Variants in EIF4G3 observed in about 807,000 individuals in gnomAD.
EIF4G3 encodes the protein eukaryotic translation initiation factor 4 gamma 3, also known as eIF-4-gamma 3.
Under a neutral mutation model 186.4 loss-of-function variants are expected in EIF4G3, and 34 were observed. The ratio of observed to expected loss-of-function variants is 0.18; its 90% CI spans 0.14 to 0.24. The LOEUF (loss-of-function observed/expected upper bound fraction) is 0.24. Among genes scored for constraint, EIF4G3 ranks in the 10% least tolerant of loss-of-function variants. The probability of loss-of-function intolerance (pLI) is 1.00; values close to 1 mark genes in which losing one functional copy is unlikely to be tolerated. For missense variants in EIF4G3, 1,536 were observed against 1,948.5 expected, an observed-to-expected ratio of 0.79 and a Z score of 3.99; for synonymous variants, 673 against 679.5, an observed-to-expected ratio of 0.99 and a Z score of 0.15.
chr1:21,098,553 A>G (rs1177545143), intron 2 of EIF4G3, among the ~76,000 whole-genome samples: 5 of 149,090 alleles, frequency 3.4e-5, no homozygotes, highest in Non-Finnish European at 1.5e-5. Context: ...AAAAAAAAAA[A>G]AAAAAAAAAA....
intron 2 of EIF4G3, among the ~76,000 whole-genome samples, chr1:21,137,687 G>A (rs1414243627): frequency 6.6e-6 from 1 of 151,710 alleles, no homozygotes; most frequent in Non-Finnish European, 1.5e-5. Flanking sequence ...CAGGCATGGT[G>A]GTACACACTT....
chr1:20,838,956 T>TGTGAGCA (rs1364354654), intron 30 of EIF4G3, among the ~76,000 whole-genome samples: 4 of 152,120 alleles, frequency 2.6e-5, no homozygotes, highest in Non-Finnish European at 5.9e-5. Context: ...GCATTACAGG[T>TGTGAGCA]GTGAGCCACC....
chr1:20,892,439 G>A (rs1396180273), intron 18 of EIF4G3, among the ~76,000 whole-genome samples: 4 of 152,168 alleles, frequency 2.6e-5, no homozygotes, highest in African/African-American at 4.8e-5. Context: ...CACTTCCACC[G>A]CTGAAAGAGC....
At chr1:20,844,124 C>T (rs1483689637) in intron 29 of EIF4G3, among the ~76,000 whole-genome samples, 3 of 152,142 alleles carry the variant, frequency 2.0e-5, no homozygotes, top group African/African-American at 4.8e-5. Flanking sequence ...CATACGTGTG[C>T]ATGTGTCTTT....
intron 18 of EIF4G3, chr1:20,892,518 T>G (rs2086430697): frequency 2.2e-6 from 2 of 900,534 alleles, no homozygotes; most frequent in South Asian, 2.8e-5. Flanking sequence ...TGTCATTTGT[T>G]AAAATTTTGA....
chr1:21,168,471 G>A (rs1342890001), intron 2 of EIF4G3, among the ~76,000 whole-genome samples: 1 of 151,938 alleles, frequency 6.6e-6, no homozygotes, highest in African/African-American at 2.4e-5. Flanking sequence ...CACCCAGGCT[G>A]GTGTGCAATC....
intron 23 of EIF4G3, 115 bp downstream of exon 23, chr1:20,862,113 T>C (rs964789842): frequency 1.5e-5 from 9 of 597,014 alleles, no homozygotes; most frequent in Non-Finnish European, 2.2e-5. Flanking sequence ...AAATTCTGAG[T>C]CCTGAAGCAA....
At chr1:20,881,887 G>A (rs1242266359) in intron 19 of EIF4G3, among the ~76,000 whole-genome samples, 1 of 152,090 alleles carries the variant, frequency 6.6e-6, no homozygotes, top group East Asian at 1.9e-4. Context: ...ATGAGGCCGG[G>A]TGCAGTGGCT....
At chr1:20,869,384 G>A (rs2078483339) in intron 20 of EIF4G3, among the ~76,000 whole-genome samples, 1 of 137,178 alleles carries the variant, frequency 7.3e-6, no homozygotes, top group Non-Finnish European at 1.5e-5. Flanking sequence ...CGGGGCTCAA[G>A]TGATCCTCCC....
At chr1:21,101,591 G>A (rs2096527683) in intron 2 of EIF4G3, among the ~76,000 whole-genome samples, 5 of 23,538 alleles carry the variant, frequency 2.1e-4, no homozygotes, top group East Asian at 2.3e-3. Context: ...AAAAAAAACC[G>A]AGGGAGGGAG....
At chr1:20,978,722 T>G (rs1221958024) in intron 10 of EIF4G3, among the ~76,000 whole-genome samples, 1 of 151,282 alleles carries the variant, frequency 6.6e-6, no homozygotes, top group Non-Finnish European at 1.5e-5. Flanking sequence ...GGGTACTATG[T>G]GAGGTTTCAG....
At chr1:20,980,498 C>A in intron 9 of EIF4G3, 50 bp from the exon 10 acceptor site, 3 of 1,222,458 alleles carry the variant, frequency 2.5e-6, no homozygotes, top group South Asian at 1.5e-5. Context: ...TATCTGGGGG[C>A]GAAAAACATA....
intron 29 of EIF4G3, chr1:20,847,772 G>A (rs946225128): frequency 6.4e-6 from 3 of 471,302 alleles, no homozygotes; most frequent in Non-Finnish European, 8.8e-6. Flanking sequence ...CATTTACTTT[G>A]GTACATTTCC....
chr1:21,069,529 T>C (rs2095377421), intron 3 of EIF4G3, among the ~76,000 whole-genome samples: 1 of 152,208 alleles, frequency 6.6e-6, no homozygotes, highest in African/African-American at 2.4e-5. Flanking sequence ...ATATATGTTT[T>C]CTAAATTAAG....
rs777306463 is a variant in EIF4G3 at position 20,849,550 on chromosome 1, AAAAAAG to A, written c.3773-26_3773-21del. On this transcript the variant is annotated intron_variant, in intron 28 of 36. Transcript: ENST00000602326. ...GTTTTGCTATTAGTGAGGCCCCCCA[AAAAAAG>A]TAAAAATAATAAAAATTACTATTAA... 2 of 1,215,556 alleles carry A rather than the reference AAAAAAG, an allele frequency of 1.6e-6. No individual in the cohort carries two copies. Among genetic ancestry groups the A allele is most frequent in the African/African-American group, 3.1e-5 (2 of 64,222 alleles). The allele number at this position is 1,215,556 out of a possible 1,614,324, so 75.3% of individuals were successfully genotyped here.
chr1:21,094,102 A>T (rs1247085669), intron 2 of EIF4G3, among the ~76,000 whole-genome samples: 6 of 149,400 alleles, frequency 4.0e-5, no homozygotes, highest in African/African-American at 1.5e-4. Context: ...AAAGTATAAT[A>T]AAAAAAATTT....
intron 3 of EIF4G3, 82 bp from the exon 4 acceptor site, chr1:21,051,076 A>G: frequency 1.4e-6 from 1 of 693,848 alleles, no homozygotes; most frequent in Non-Finnish European, 2.7e-6. Flanking sequence ...CTGATTTTTA[A>G]TTGGATTTCC....
intron 14 of EIF4G3, among the ~76,000 whole-genome samples, chr1:20,939,627 G>A (rs1419810650): frequency 6.6e-6 from 1 of 151,992 alleles, no homozygotes; most frequent in African/African-American, 2.4e-5. Flanking sequence ...TCTGAGGTAT[G>A]GTTTGTATCT....
chr1:20,931,546 G>A (rs1370150882), intron 14 of EIF4G3, among the ~76,000 whole-genome samples: 2 of 152,118 alleles, frequency 1.3e-5, no homozygotes, highest in Admixed American at 6.6e-5. Flanking sequence ...AGAAGTCACC[G>A]GCTGCATAAG....
Sources: allele counts gnomAD v4.1 joint callset (sites outside exome capture counted in the v4.1 genomes callset), GRCh38; gene constraint gnomAD v4.1.1; transcripts MANE v1.5; gene names NCBI Gene and HGNC (gene_info 2026-07-23, HGNC 2026-07-21).